CERS6: variants seen among roughly 807,000 people sequenced by gnomAD.
CERS6 encodes the protein LAG1 homolog, ceramide synthase 6.
CERS6 carries 26 observed loss-of-function variants against 56.8 expected under a neutral mutation model. That is an observed-to-expected ratio of 0.46 (90% CI 0.34 to 0.63). CERS6 has a LOEUF of 0.63. CERS6 is among the 30% of genes least tolerant of loss of function. CERS6 has a pLI of 0.01. For synonymous variants in CERS6, 164 were observed against 173.3 expected (o/e 0.95, Z 0.42); for missense variants, 415 against 467.5 (o/e 0.89, Z 1.04).
chr2:168,677,846 G>T lies in CERS6; in HGVS notation c.466-13188G>T, dbSNP rs565521355. 1.6e-4 allele frequency among the ~76,000 whole-genome samples: 24 copies of T among 152,120 alleles called. No homozygotes were observed. In the South Asian group the frequency reaches 5.0e-3, roughly 32 times the overall value. ...TATAATCTTTTGGGTATATTTACAA[G>T]AAAAAAACCAAACAACCCCATCAGA... On this transcript the variant is annotated intron_variant, in intron 4 of 9. Transcript: ENST00000305747.
intron 8 of CERS6, among the ~76,000 whole-genome samples, chr2:168,735,131 A>C (rs1447649839): frequency 3.3e-5 from 5 of 152,204 alleles, no homozygotes; most frequent in Non-Finnish European, 7.3e-5. Flanking sequence ...TTGCAAGACT[A>C]ATCTTATGTC....
At chr2:168,602,972 G>A (rs1683970338) in intron 3 of CERS6, among the ~76,000 whole-genome samples, 1 of 152,190 alleles carries the variant, frequency 6.6e-6, no homozygotes, top group African/African-American at 2.4e-5. Context: ...TTAACATTTT[G>A]TGAAATGTGT....
At chr2:168,662,962 T>C (rs930077490) in intron 4 of CERS6, among the ~76,000 whole-genome samples, 1 of 152,210 alleles carries the variant, frequency 6.6e-6, no homozygotes, top group Non-Finnish European at 1.5e-5. Context: ...AAGATTTTTC[T>C]TTTTATCTTA....
At chr2:168,763,703 C>A (rs1684646856) in intron 8 of CERS6, among the ~76,000 whole-genome samples, 1 of 152,074 alleles carries the variant, frequency 6.6e-6, no homozygotes, top group African/African-American at 2.4e-5. Context: ...TTTTCTCTCC[C>A]TTCCCTTTAG....
chr2:168,590,545 A>G (rs1683647947), intron 3 of CERS6, among the ~76,000 whole-genome samples: 1 of 152,178 alleles, frequency 6.6e-6, no homozygotes, highest in Non-Finnish European at 1.5e-5. Context: ...CCATTATGTA[A>G]GAGTATATAA....
intron 8 of CERS6, among the ~76,000 whole-genome samples, chr2:168,730,442 AAG>A (rs931836302): frequency 6.6e-6 from 1 of 151,204 alleles, no homozygotes. Flanking sequence ...GAGTGAAGCA[AAG>A]AGAGAGGGCA....
At chr2:168,679,466 A>T (rs1441333444) in intron 4 of CERS6, among the ~76,000 whole-genome samples, 3 of 152,244 alleles carry the variant, frequency 2.0e-5, no homozygotes, top group Non-Finnish European at 4.4e-5. Flanking sequence ...TCAATTAAAA[A>T]ATAAAGAGAC....
chr2:168,517,475 C>G (rs531186419), intron 1 of CERS6, among the ~76,000 whole-genome samples: 1 of 151,014 alleles, frequency 6.6e-6, no homozygotes, highest in African/African-American at 2.4e-5. Flanking sequence ...CTGGGCGATA[C>G]AGCAAGACAC....
chr2:168,696,575 A>G (rs1258655325), intron 6 of CERS6, among the ~76,000 whole-genome samples: 2 of 152,222 alleles, frequency 1.3e-5, no homozygotes, highest in Admixed American at 1.3e-4. Context: ...AGTGGCTTAT[A>G]AAATCTATTT....
At chr2:168,672,967 TCTATCCTA>T (rs1369305369) in intron 4 of CERS6, among the ~76,000 whole-genome samples, 2 of 152,338 alleles carry the variant, frequency 1.3e-5, no homozygotes, top group Non-Finnish European at 2.9e-5. Flanking sequence ...GGATAATTTC[TCTATCCTA>T]AATCAGGAGA....
At chr2:168,765,457 A>G in intron 8 of CERS6, 135 bp from the exon 9 acceptor site, 1 of 758,664 alleles carries the variant, frequency 1.3e-6, no homozygotes, top group Non-Finnish European at 2.0e-6. Context: ...GTACCTGGCA[A>G]GCTTTCACAC....
At chr2:168,481,489 CAG>C (rs1211767260) in intron 1 of CERS6, among the ~76,000 whole-genome samples, 1 of 152,116 alleles carries the variant, frequency 6.6e-6, no homozygotes, top group Non-Finnish European at 1.5e-5. Context: ...TGCCTGTGCT[CAG>C]AAAGTTTCTG....
At chr2:168,486,997 A>G (rs77188153) in intron 1 of CERS6, among the ~76,000 whole-genome samples, 2,887 of 152,280 alleles carry the variant, frequency 0.019, 94 homozygotes, top group African/African-American at 0.065. Context: ...AATGAACTGC[A>G]TCATAAAGGT....
At chr2:168,514,740 A>G (rs1694856255) in intron 1 of CERS6, among the ~76,000 whole-genome samples, 1 of 152,270 alleles carries the variant, frequency 6.6e-6, no homozygotes, top group Admixed American at 6.5e-5. Context: ...AATGAGCAGT[A>G]GAAAGTGAAA....
At chr2:168,492,198 G>A (rs987507625) in intron 1 of CERS6, among the ~76,000 whole-genome samples, 14 of 152,200 alleles carry the variant, frequency 9.2e-5, no homozygotes, top group Non-Finnish European at 2.1e-4. Flanking sequence ...TTGCCACACT[G>A]TCTTCCACAA....
intron 4 of CERS6, among the ~76,000 whole-genome samples, chr2:168,679,909 A>G (rs949318121): frequency 1.3e-5 from 2 of 152,180 alleles, no homozygotes; most frequent in Admixed American, 6.5e-5. Flanking sequence ...GCAGCCTCCT[A>G]TGTGCTTAGA....
At position 168,538,117 on chromosome 2, in the gene CERS6, C is replaced by T. The variant is rs113111639; in HGVS notation, c.171-9479C>T. The stretch of plus-strand genomic sequence containing the variant: ...TCCCAGTTAGCCTTGCTGTGTCCAT[C>T]CTTGTTTTCCCCTTCTGTCTGCTCT... On this transcript the variant is annotated intron_variant, in intron 1 of 9. Coordinates refer to ENST00000305747, the MANE Select transcript of CERS6 (RefSeq NM_203463.3). Among the ~76,000 whole-genome samples, 918 of 152,176 alleles carry T rather than the reference C, an allele frequency of 6.0e-3. 6 individuals carry two copies. The highest frequency in any genetic ancestry group is 0.021 in the African/African-American group (867 of 41,496).
At chr2:168,504,982 A>G (rs79340568) in intron 1 of CERS6, among the ~76,000 whole-genome samples, 1,597 of 152,260 alleles carry the variant, frequency 0.01, 37 homozygotes, top group African/African-American at 0.036. Context: ...CTGAGTGGCA[A>G]CTGAGTAATT....
intron 1 of CERS6, among the ~76,000 whole-genome samples, chr2:168,507,291 C>T (rs532453707): frequency 6.6e-6 from 1 of 152,228 alleles, no homozygotes; most frequent in East Asian, 1.9e-4. Flanking sequence ...CTATCTTGTC[C>T]AGGATCCTGC....
Sources: gnomAD v4.1 joint callset for allele counts (sites outside exome capture counted in the v4.1 genomes callset) on GRCh38, gnomAD v4.1.1 for gene constraint, MANE v1.5 for transcripts, NCBI Gene and HGNC (gene_info 2026-07-23, HGNC 2026-07-21) for gene names.